KHDRBS2: variants seen among roughly 807,000 people sequenced by gnomAD.
KHDRBS2 encodes KH RNA binding domain containing, signal transduction associated 2.
KHDRBS2 carries 26 observed loss-of-function variants against 44.3 expected under a neutral mutation model. The ratio of observed to expected loss-of-function variants is 0.59; its 90% CI spans 0.43 to 0.81. The LOEUF (loss-of-function observed/expected upper bound fraction) is 0.81. KHDRBS2 is among the 40% of genes least tolerant of loss of function. KHDRBS2 has a pLI of 0.00. For missense variants in KHDRBS2, 476 were observed against 433.1 expected, an observed-to-expected ratio of 1.10 and a Z score of -0.88; for synonymous variants, 194 against 151.1, an observed-to-expected ratio of 1.28 and a Z score of -2.08.
At chr6:61,702,644 TG>T (rs1768871058) in intron 7 of KHDRBS2, among the ~76,000 whole-genome samples, 1 of 152,122 alleles carries the variant, frequency 6.6e-6, no homozygotes, top group East Asian at 1.9e-4. Flanking sequence ...AAAGGAAATT[TG>T]TTTATAGAAC....
chr6:61,721,844 C>A (rs1198891376), intron 7 of KHDRBS2, among the ~76,000 whole-genome samples: 1 of 132,282 alleles, frequency 7.6e-6, no homozygotes, highest in Non-Finnish European at 1.6e-5. Flanking sequence ...GAGAGGGCAC[C>A]CCGTCTTGTG....
chr6:62,060,629 CTCTCTATA>C (rs1791583627), intron 2 of KHDRBS2, among the ~76,000 whole-genome samples: 1 of 148,586 alleles, frequency 6.7e-6, no homozygotes, highest in Non-Finnish European at 1.5e-5. Context: ...CTCTCTCTCT[CTCTCTATA>C]TATATATATA....
At chr6:61,985,508 AGAG>A (rs1774884380) in intron 3 of KHDRBS2, among the ~76,000 whole-genome samples, 1 of 152,154 alleles carries the variant, frequency 6.6e-6, no homozygotes, top group Non-Finnish European at 1.5e-5. Context: ...ACGCAAAAGA[AGAG>A]GAGGTAACCC....
intron 6 of KHDRBS2, among the ~76,000 whole-genome samples, chr6:61,749,972 G>C (rs1461779789): frequency 6.6e-6 from 1 of 152,070 alleles, no homozygotes; most frequent in Non-Finnish European, 1.5e-5. Flanking sequence ...CTAGTAGAAT[G>C]ACCTCTAAAT....
intron 6 of KHDRBS2, among the ~76,000 whole-genome samples, chr6:61,884,685 T>C (rs1800669394): frequency 6.6e-6 from 1 of 152,100 alleles, no homozygotes; most frequent in South Asian, 2.1e-4. Flanking sequence ...GTAACCTTTG[T>C]TACTGTTACA....
At chr6:61,829,116 G>C (rs1791382695) in intron 6 of KHDRBS2, among the ~76,000 whole-genome samples, 1 of 152,160 alleles carries the variant, frequency 6.6e-6, no homozygotes, top group South Asian at 2.1e-4. Flanking sequence ...TGTGTATATA[G>C]CTGACATTGT....
At chr6:61,754,469 GGGTT>G (rs1778187379) in intron 6 of KHDRBS2, among the ~76,000 whole-genome samples, 1 of 151,986 alleles carries the variant, frequency 6.6e-6, no homozygotes, top group African/African-American at 2.4e-5. Context: ...TGAGAATCAG[GGGTT>G]ACAAACCTGG....
intron 6 of KHDRBS2, among the ~76,000 whole-genome samples, chr6:61,743,359 G>A (rs1776416599): frequency 2.0e-5 from 3 of 152,000 alleles, no homozygotes; most frequent in African/African-American, 2.4e-5. Context: ...CACAGCCCAC[G>A]AGGAAGTGTC....
intron 6 of KHDRBS2, among the ~76,000 whole-genome samples, chr6:61,736,223 C>CAT (rs1775334640): frequency 6.6e-6 from 1 of 150,534 alleles, no homozygotes; most frequent in Non-Finnish European, 1.5e-5. Context: ...CACACACACA[C>CAT]ACACACACAC....
intron 2 of KHDRBS2, among the ~76,000 whole-genome samples, chr6:62,057,525 C>T (rs1038902089): frequency 2.0e-5 from 3 of 151,898 alleles, no homozygotes; most frequent in African/African-American, 7.2e-5. Flanking sequence ...AACCAATTGA[C>T]ATAATCATGA....
chr6:62,133,411 T>C (rs1421690336), intron 2 of KHDRBS2, among the ~76,000 whole-genome samples: 2 of 152,314 alleles, frequency 1.3e-5, no homozygotes, highest in East Asian at 1.9e-4. Context: ...AAAATGTGTC[T>C]TTTGCCTTCC....
At chr6:61,967,932 G>A (rs1367598419) in intron 4 of KHDRBS2, among the ~76,000 whole-genome samples, 10 of 117,000 alleles carry the variant, frequency 8.5e-5, no homozygotes, top group East Asian at 2.8e-4. Context: ...ATACACACAC[G>A]TATATATATA....
At chr6:61,899,363 T>C (rs1415340564) in intron 5 of KHDRBS2, among the ~76,000 whole-genome samples, 1 of 151,964 alleles carries the variant, frequency 6.6e-6, no homozygotes, top group Non-Finnish European at 1.5e-5. Flanking sequence ...TTCCTTTCGT[T>C]AATGCTAGCA....
At chr6:62,108,787 T>C (rs1205037505) in intron 2 of KHDRBS2, among the ~76,000 whole-genome samples, 1 of 152,146 alleles carries the variant, frequency 6.6e-6, no homozygotes. Context: ...TGAGTTCATG[T>C]CCTTTGTAGG....
At chr6:62,183,207 G>C (rs1822710670) in intron 1 of KHDRBS2, among the ~76,000 whole-genome samples, 2 of 151,556 alleles carry the variant, frequency 1.3e-5, no homozygotes, top group Admixed American at 1.3e-4. Context: ...CATTGTTGAG[G>C]CTCATATTTT....
At chr6:61,770,848 A>G (rs1780762763) in intron 6 of KHDRBS2, among the ~76,000 whole-genome samples, 1 of 152,138 alleles carries the variant, frequency 6.6e-6, no homozygotes, top group Non-Finnish European at 1.5e-5. Context: ...CCACAAAGAT[A>G]CTCCTCGAGA....
chr6:61,657,605 T>C, the KHDRBS2 span, among the ~76,000 whole-genome samples: 3 of 151,830 alleles, frequency 2.0e-5, no homozygotes, highest in Non-Finnish European at 2.9e-5. Context: ...ACAAAAAATG[T>C]TGGTTAGCAG....
chr6:61,704,068 CT>C (rs1368449393), intron 7 of KHDRBS2, among the ~76,000 whole-genome samples: 2 of 151,830 alleles, frequency 1.3e-5, no homozygotes, highest in Non-Finnish European at 2.9e-5. Flanking sequence ...TTGTCTATTC[CT>C]TCTAGACAAA....
intron 6 of KHDRBS2, among the ~76,000 whole-genome samples, chr6:61,774,269 C>A (rs1781541026): frequency 1.3e-5 from 2 of 152,120 alleles, no homozygotes; most frequent in Non-Finnish European, 2.9e-5. Context: ...ATTCTTCCTA[C>A]CCATGAGCAT....
Sources: gnomAD v4.1 joint callset for allele counts (sites outside exome capture counted in the v4.1 genomes callset) on GRCh38, gnomAD v4.1.1 for gene constraint, MANE v1.5 for transcripts, NCBI Gene and HGNC (gene_info 2026-07-23, HGNC 2026-07-21) for gene names.